Variants in PRMT9 observed in about 807,000 individuals in gnomAD.
PRMT9 encodes protein arginine methyltransferase 9.
In PRMT9, 59 loss-of-function variants were observed where a neutral mutation model predicts 83.2. That is an observed-to-expected ratio of 0.71 (90% CI 0.57 to 0.88). The LOEUF is 0.88. PRMT9 is among the 40% of genes least tolerant of loss of function. The pLI is 0.00. For missense variants in PRMT9, 947 were observed against 1,021.9 expected, an observed-to-expected ratio of 0.93 and a Z score of 1.00; for synonymous variants, 333 against 353.2, an observed-to-expected ratio of 0.94 and a Z score of 0.64.
chr4:147,657,669 AAAG>A, intron 8 of PRMT9, 120 bp downstream of exon 8: 1 of 736,206 alleles, frequency 1.4e-6, no homozygotes, highest in Admixed American at 2.5e-5. Flanking sequence ...TGAAGTTCTG[AAAG>A]ATTTAACCAA....
rs1734063353 is a variant in PRMT9, at chr4:147,651,017, C to T, written c.2045+2835G>A. On this transcript the variant is annotated intron_variant, in intron 9 of 11. Transcript: ENST00000322396. ...CTCGGGAGGCTGAGGCAGGAGAATC[C>T]CCTTGAACCCAGGAGGTGGAGCTTG... 2.6e-5 allele frequency among the ~76,000 whole-genome samples: 4 copies of T among 151,824 alleles called. No individual in the cohort carries two copies. The South Asian group carries it at 8.3e-4, about 32-fold the overall frequency.
chr4:147,673,980 C>T, intron 2 of PRMT9, 106 bp from the exon 3 acceptor site: 1 of 907,026 alleles, frequency 1.1e-6, no homozygotes, highest in South Asian at 1.3e-5. Flanking sequence ...ATGCCAGCAC[C>T]CCAAATCCTG....
At chr4:147,662,009 G>A (rs1734997566) in intron 6 of PRMT9, among the ~76,000 whole-genome samples, 1 of 151,972 alleles carries the variant, frequency 6.6e-6, no homozygotes, top group African/African-American at 2.4e-5. Context: ...CACAGTGTTT[G>A]GCATTTCCAC....
At chr4:147,644,203 G>A (rs1022551515) in intron 9 of PRMT9, among the ~76,000 whole-genome samples, 1 of 151,994 alleles carries the variant, frequency 6.6e-6, no homozygotes, top group African/African-American at 2.4e-5. Flanking sequence ...CAGGGAAAGA[G>A]CCTGAAATGT....
rs1216933103 is a variant in PRMT9, at chr4:147,683,943, G to C, written c.45C>G (p.Gly15=). ...RPRSRRDAGG[G]AGAAGRDELV... ...GCTCGTCCCGGCCGGCTGCCCCAGC[G>C]CCACCCCCGGCGTCTCGGCGGGACC... Residue 15 remains glycine, a synonymous_variant, in exon 1 of 12, where the codon GGC becomes GGG. Transcript: ENST00000322396. The C allele has an allele frequency of 1.9e-6, 3 of 1,612,726 alleles. No homozygotes were observed. The highest frequency in any genetic ancestry group is 2.5e-6 in the Non-Finnish European group (3 of 1,179,686).
At chr4:147,653,063 CA>C (rs1734223694) in intron 9 of PRMT9, among the ~76,000 whole-genome samples, 2 of 152,150 alleles carry the variant, frequency 1.3e-5, no homozygotes, top group Non-Finnish European at 1.5e-5. Flanking sequence ...TACATGCACA[CA>C]AAAACACACA....
At chr4:147,655,688 G>A (rs1052546228) in intron 8 of PRMT9, among the ~76,000 whole-genome samples, 15 of 151,746 alleles carry the variant, frequency 9.9e-5, no homozygotes, top group African/African-American at 3.2e-4. Context: ...GACTACAGGC[G>A]CTCACCATCA....
At chr4:147,674,621 A>C (rs1028272184) in intron 2 of PRMT9, among the ~76,000 whole-genome samples, 3 of 152,202 alleles carry the variant, frequency 2.0e-5, no homozygotes, top group African/African-American at 7.2e-5. Flanking sequence ...AATACTGAGA[A>C]GGAGAGAATC....
chr4:147,676,251 T>C (rs953663764), intron 2 of PRMT9, among the ~76,000 whole-genome samples: 6 of 152,240 alleles, frequency 3.9e-5, no homozygotes, highest in African/African-American at 1.4e-4. Flanking sequence ...TCCACTTTTC[T>C]GTTAAATTGA....
chr4:147,683,507 G>A (rs909775821), intron 1 of PRMT9, among the ~76,000 whole-genome samples: 2 of 152,152 alleles, frequency 1.3e-5, no homozygotes, highest in Non-Finnish European at 2.9e-5. Flanking sequence ...AAGACGGCAG[G>A]ATTTTCCTCT....
intron 1 of PRMT9, 74 bp downstream of exon 1, chr4:147,683,725 T>C: frequency 7.6e-7 from 1 of 1,321,902 alleles, no homozygotes; most frequent in Non-Finnish European, 1.1e-6. Context: ...CTCCGCTTTT[T>C]TTTTTTTCTG....
At chr4:147,655,034 C>A (rs10015122) in intron 8 of PRMT9, among the ~76,000 whole-genome samples, 1 of 152,114 alleles carries the variant, frequency 6.6e-6, no homozygotes, top group Non-Finnish European at 1.5e-5. Flanking sequence ...TCAACAGAAT[C>A]GTATCAGTTA....
chr4:147,683,776 A>G (rs1465761919), intron 1 of PRMT9, 23 bp downstream of exon 1: 2 of 1,513,096 alleles, frequency 1.3e-6, no homozygotes, highest in South Asian at 2.2e-5. Flanking sequence ...ATCTGCCAGC[A>G]AGTGAGAAAA....
At chr4:147,656,792 AAAAGAAAG>A (rs1266357169) in intron 8 of PRMT9, among the ~76,000 whole-genome samples, 10 of 149,096 alleles carry the variant, frequency 6.7e-5, no homozygotes, top group Non-Finnish European at 1.3e-4. Context: ...AAAAAAAAAA[AAAAGAAAG>A]AAAGAAAAAA....
chr4:147,683,936 C>A lies in PRMT9; in HGVS notation c.52G>T (p.Ala18Ser), dbSNP rs139397245. Reference protein sequence around the residue: ...SRRDAGGGAGAAGRDELVSRS... With the variant: ...SRRDAGGGAGSAGRDELVSRS... ...GACACCAGCTCGTCCCGGCCGGCTG[C>A]CCCAGCGCCACCCCCGGCGTCTCGG... is the stretch of plus-strand genomic sequence containing the variant. The change falls in exon 1 of 12, where the codon GCA (alanine) becomes TCA (serine). Residue 18 changes from alanine (A) to serine (S), a missense_variant. Ala to Ser is a moderately conservative substitution (Grantham distance 99, BLOSUM62 1). Coordinates refer to ENST00000322396, the MANE Select transcript of PRMT9 (RefSeq NM_138364.4). 7.4e-6 allele frequency: 12 copies of A among 1,612,862 alleles called. No homozygotes were observed. In the African/African-American group the frequency reaches 1.5e-4, roughly 20 times the overall value.
intron 9 of PRMT9, among the ~76,000 whole-genome samples, chr4:147,650,832 G>A (rs1465267099): frequency 6.6e-6 from 1 of 152,192 alleles, no homozygotes; most frequent in African/African-American, 2.4e-5. Flanking sequence ...GGCGGGCACG[G>A]TGGCTCATGC....
At chr4:147,642,643 A>G in intron 10 of PRMT9, 144 bp downstream of exon 10, 1 of 737,988 alleles carries the variant, frequency 1.4e-6, no homozygotes, top group Non-Finnish European at 2.3e-6. Flanking sequence ...CTAGGAACTT[A>G]TTATAGGTAA....
intron 2 of PRMT9, among the ~76,000 whole-genome samples, chr4:147,678,785 C>T (rs1010471983): frequency 1.3e-5 from 2 of 152,224 alleles, no homozygotes; most frequent in Non-Finnish European, 2.9e-5. Flanking sequence ...TTCACGTGTA[C>T]TGTCATAACT....
At chr4:147,653,035 T>C (rs1334522324) in intron 9 of PRMT9, among the ~76,000 whole-genome samples, 1 of 152,202 alleles carries the variant, frequency 6.6e-6, no homozygotes, top group Non-Finnish European at 1.5e-5. Flanking sequence ...TGCACACATA[T>C]ATGGATTCAT....
Sources: allele counts gnomAD v4.1 joint callset (sites outside exome capture counted in the v4.1 genomes callset), GRCh38; gene constraint gnomAD v4.1.1; transcripts MANE v1.5; gene names NCBI Gene and HGNC (gene_info 2026-07-23, HGNC 2026-07-21).